Variants in GFRA2 observed in about 807,000 individuals in gnomAD.
GFRA2 encodes GDNF family receptor alpha-2.
GFRA2 carries 17 observed loss-of-function variants against 48.3 expected under a neutral mutation model. The ratio of observed to expected loss-of-function variants is 0.35; its 90% CI spans 0.24 to 0.53. The LOEUF is 0.53. Among genes scored for constraint, GFRA2 ranks in the 20% least tolerant of loss-of-function variants. The pLI is 0.93. For synonymous variants in GFRA2, 305 were observed against 257.2 expected, an observed-to-expected ratio of 1.19 and a Z score of -1.78; for missense variants, 660 against 637.3, an observed-to-expected ratio of 1.04 and a Z score of -0.38.
chr8:21,733,225 C>T (rs1391409985), intron 4 of GFRA2, among the ~76,000 whole-genome samples: 1 of 152,130 alleles, frequency 6.6e-6, no homozygotes, highest in Non-Finnish European at 1.5e-5. Context: ...CCTCCGGCTG[C>T]AGCCACTCCT....
intron 8 of GFRA2, among the ~76,000 whole-genome samples, chr8:21,694,005 T>C (rs1471779801): frequency 2.8e-5 from 4 of 144,884 alleles, no homozygotes; most frequent in Non-Finnish European, 6.0e-5. Flanking sequence ...GTCATATACA[T>C]GAGATATATA....
chr8:21,716,060 C>T (rs549707246), intron 4 of GFRA2, among the ~76,000 whole-genome samples: 4 of 152,268 alleles, frequency 2.6e-5, no homozygotes, highest in East Asian at 1.9e-4. Flanking sequence ...CGGTGGCTCA[C>T]GCCTGCAATT....
chr8:21,706,676 G>T (rs1275939353), intron 4 of GFRA2, among the ~76,000 whole-genome samples: 1 of 152,116 alleles, frequency 6.6e-6, no homozygotes, highest in South Asian at 2.1e-4. Flanking sequence ...AGGCAGAAGC[G>T]GCCTTCCCTT....
chr8:21,771,565 G>A (rs966717192), intron 3 of GFRA2, among the ~76,000 whole-genome samples: 3 of 152,168 alleles, frequency 2.0e-5, no homozygotes, highest in African/African-American at 4.8e-5. Flanking sequence ...GACATTGGAG[G>A]GTGTTGCAGG....
chr8:21,757,881 A>G (rs1327854213), intron 3 of GFRA2, among the ~76,000 whole-genome samples: 4 of 152,114 alleles, frequency 2.6e-5, no homozygotes, highest in Non-Finnish European at 5.9e-5. Flanking sequence ...ACCTATCTAG[A>G]TTTATCCTAA....
upstream of GFRA2, among the ~76,000 whole-genome samples, chr8:21,791,133 C>A (rs1316108772): frequency 6.6e-5 from 10 of 152,282 alleles, no homozygotes; most frequent in African/African-American, 2.4e-4. Flanking sequence ...ATTTCACTTT[C>A]TTTTAACTTC....
chr8:21,751,177 G>A (rs1354099470), intron 3 of GFRA2, among the ~76,000 whole-genome samples: 1 of 152,224 alleles, frequency 6.6e-6, no homozygotes, highest in African/African-American at 2.4e-5. Flanking sequence ...AGCAGCTGGT[G>A]CAGGGTGAGC....
At chr8:21,796,890 C>A (rs972238388) in intron 2 of GFRA2, among the ~76,000 whole-genome samples, 1 of 152,218 alleles carries the variant, frequency 6.6e-6, no homozygotes, top group East Asian at 1.9e-4. Flanking sequence ...AGCAAGTGCA[C>A]GGCCTTCAAC....
Position 21,774,962 on chromosome 8 carries a change from G to A in GFRA2, c.439+10C>T. ...GAGAACGGGCCAAGTCCCAGTGCGAGCTCACTTACCTGAGAAGATTGAAGC... is the reference window on the plus strand; with the variant it reads ...GAGAACGGGCCAAGTCCCAGTGCGAACTCACTTACCTGAGAAGATTGAAGC... On this transcript the variant is annotated intron_variant, in intron 3 of 8. Coordinates refer to ENST00000524240, the MANE Select transcript of GFRA2 (RefSeq NM_001495.5). 3 of 1,515,636 alleles carry A rather than the reference G, an allele frequency of 2.0e-6. No individual in the cohort carries two copies. The highest frequency in any genetic ancestry group is 2.8e-6 in the Non-Finnish European group (3 of 1,090,824). 93.9% of individuals were successfully genotyped at this position (1,515,636 alleles called of 1,614,324 possible).
intron 4 of GFRA2, among the ~76,000 whole-genome samples, chr8:21,727,773 G>A (rs1025479731): frequency 6.6e-5 from 10 of 152,270 alleles, no homozygotes; most frequent in Admixed American, 2.0e-4. Flanking sequence ...TTACCACCGC[G>A]GTCTCTCCGC....
intron 2 of GFRA2, among the ~76,000 whole-genome samples, chr8:21,779,128 A>G (rs1239534942): frequency 2.0e-5 from 3 of 151,940 alleles, no homozygotes; most frequent in Admixed American, 6.6e-5. Flanking sequence ...TGAGCCCAGG[A>G]GGTAGAGGCT....
intron 3 of GFRA2, among the ~76,000 whole-genome samples, chr8:21,772,603 G>A (rs1370669907): frequency 3.3e-5 from 5 of 152,160 alleles, no homozygotes; most frequent in African/African-American, 1.2e-4. Flanking sequence ...CAGAGGCAAT[G>A]AGGAGGGACC....
intron 1 of GFRA2, among the ~76,000 whole-genome samples, chr8:21,786,622 C>T (rs1433708896): frequency 9.9e-5 from 15 of 152,164 alleles, no homozygotes; most frequent in Admixed American, 9.8e-4. Context: ...CCCTCCCACC[C>T]CAGAGAGAAG....
intron 3 of GFRA2, among the ~76,000 whole-genome samples, chr8:21,767,113 C>T (rs576049844): frequency 0.037 from 4,133 of 110,952 alleles, 156 homozygotes; most frequent in African/African-American, 0.12. Flanking sequence ...CACCATACAT[C>T]ACATACACAC....
chr8:21,772,846 GAGC>G (rs1806503485), intron 3 of GFRA2, among the ~76,000 whole-genome samples: 1 of 152,196 alleles, frequency 6.6e-6, no homozygotes, highest in African/African-American at 2.4e-5. Context: ...TGAGTCCAGG[GAGC>G]AGAAGGGGCT....
intron 8 of GFRA2, 65 bp from the exon 9 acceptor site, chr8:21,693,465 G>A: frequency 6.8e-7 from 1 of 1,478,362 alleles, no homozygotes. Context: ...CAGTCAGGAG[G>A]CCTGGGACCC....
At chr8:21,803,163 C>A (rs1199570646) in intron 2 of GFRA2, among the ~76,000 whole-genome samples, 2 of 152,198 alleles carry the variant, frequency 1.3e-5, no homozygotes, top group African/African-American at 2.4e-5. Flanking sequence ...CTCAGGGATC[C>A]AGGCTGACTC....
chr8:21,700,541 C>T (rs1269360587), intron 7 of GFRA2, among the ~76,000 whole-genome samples: 1 of 152,170 alleles, frequency 6.6e-6, no homozygotes, highest in African/African-American at 2.4e-5. Flanking sequence ...CAGAAGGTGG[C>T]CAGGAGGCAG....
intron 1 of GFRA2, among the ~76,000 whole-genome samples, chr8:21,807,160 T>C (rs901641107): frequency 1.3e-5 from 2 of 152,222 alleles, no homozygotes; most frequent in African/African-American, 4.8e-5. Context: ...TGAAATGTAA[T>C]TGTCATTATA....
Sources: allele counts gnomAD v4.1 joint callset (sites outside exome capture counted in the v4.1 genomes callset), GRCh38; gene constraint gnomAD v4.1.1; transcripts MANE v1.5; gene names NCBI Gene and HGNC (gene_info 2026-07-23, HGNC 2026-07-21).